MECOM: variants seen among roughly 807,000 people sequenced by gnomAD.
The protein encoded by MECOM is MDS1 and EVI1 complex locus, also known as histone-lysine N-methyltransferase MECOM.
Under a neutral mutation model 116.3 loss-of-function variants are expected in MECOM, and 13 were observed. That is an observed-to-expected ratio of 0.11 (90% CI 0.07 to 0.18). The LOEUF (loss-of-function observed/expected upper bound fraction) is 0.18, where lower values mean the gene tolerates loss of function less well. MECOM is among the 10% of genes least tolerant of loss of function. The pLI is 1.00. For missense variants in MECOM, 1,299 were observed against 1,509.0 expected (o/e 0.86, Z 2.31); for synonymous variants, 528 against 535.2 (o/e 0.99, Z 0.19).
chr3:169,518,214 G>C (rs528644887), intron 1 of MECOM, among the ~76,000 whole-genome samples: 1 of 151,292 alleles, frequency 6.6e-6, no homozygotes, highest in Non-Finnish European at 1.5e-5. Flanking sequence ...AGCCGAGATC[G>C]CACCACTGCA....
At chr3:169,656,714 T>G (rs750515745) in intron 1 of MECOM, among the ~76,000 whole-genome samples, 4 of 152,222 alleles carry the variant, frequency 2.6e-5, no homozygotes, top group Non-Finnish European at 4.4e-5. Context: ...CTAAATGTTA[T>G]GGGCTTTACC....
rs182349327 is a variant in MECOM at position 169,653,293 on chromosome 3, T to C, written c.37+10043A>G. 2.9e-3 allele frequency among the ~76,000 whole-genome samples: 437 copies of C among 152,334 alleles called. 1 individual carries two copies. The highest frequency in any genetic ancestry group is 6.8e-3 in the Middle Eastern group (2 of 294). Reference sequence around the variant, plus strand: ...CACCTAATCATATTGATATCTGCCATATGCAAAGCATAGTATTAGGCCCTA... The same window carrying C: ...CACCTAATCATATTGATATCTGCCACATGCAAAGCATAGTATTAGGCCCTA... On this transcript the variant is annotated intron_variant, in intron 1 of 16. Transcript: ENST00000651503.
At chr3:169,599,748 G>C (rs1767601279) in intron 1 of MECOM, among the ~76,000 whole-genome samples, 1 of 152,014 alleles carries the variant, frequency 6.6e-6, no homozygotes, top group African/African-American at 2.4e-5. Flanking sequence ...AAGAATAAAA[G>C]GGAAAGAATC....
rs749087441 is a variant in MECOM at position 169,084,975 on chromosome 3, G to A, written c.3654C>T (p.Asn1218=). 4.3e-6 allele frequency: 7 copies of A among 1,614,102 alleles called. No homozygotes were observed. The highest frequency in any genetic ancestry group is 3.3e-5 in the Admixed American group (2 of 60,024). Residue 1218 remains asparagine, a synonymous_variant, in exon 17 of 17, where the codon AAC becomes AAT. Coordinates refer to ENST00000651503, the MANE Select transcript of MECOM (RefSeq NM_004991.4). ...SLHSTSHSSS[N]VWHSMARAAA... ...CAGCCCTGGCCATACTGTGCCACAC[G>A]TTGGAAGAACTGTGGGATGTAGAAT...
At position 169,617,469 on chromosome 3, in the gene MECOM, A is replaced by G. The variant is rs146991510; in HGVS notation, c.37+45867T>C. ...ACAGGCTCCCAAGTTACTGGTCCAT[A>G]GACTATACTTTGAGTGGCAAAGTAT... On this transcript the variant is annotated intron_variant, in intron 1 of 16. Coordinates refer to ENST00000651503, the MANE Select transcript of MECOM (RefSeq NM_004991.4). 3.3e-5 allele frequency among the ~76,000 whole-genome samples: 5 copies of G among 152,332 alleles called. No homozygotes were observed. The East Asian group carries it at 5.8e-4, about 18-fold the overall frequency.
intron 2 of MECOM, among the ~76,000 whole-genome samples, chr3:169,191,740 G>GAGAAAGAAAGAAAGAAAGAAAGAAAGAA (rs71166250): frequency 2.0e-4 from 13 of 64,270 alleles, no homozygotes; most frequent in Admixed American, 4.1e-4. Flanking sequence ...AAGAAAGAAA[G>GAGAAAGAAAGAAAGAAAGAAAGAAAGAA]AGAAAGAAAG....
At chr3:169,447,239 T>G (rs896191601) in intron 1 of MECOM, among the ~76,000 whole-genome samples, 2 of 152,158 alleles carry the variant, frequency 1.3e-5, no homozygotes. Flanking sequence ...CTGCCACCCA[T>G]GCCCTAGAGT....
At chr3:169,404,287 G>T in intron 1 of MECOM, among the ~76,000 whole-genome samples, 1 of 151,070 alleles carries the variant, frequency 6.6e-6, no homozygotes, top group Non-Finnish European at 1.5e-5. Context: ...TGCAAAATAT[G>T]CACACACACA....
chr3:169,472,632 GA>G lies in MECOM; in HGVS notation c.38-91109del, dbSNP rs1174929353. 5.8e-5 allele frequency among the ~76,000 whole-genome samples: 4 copies of G among 68,796 alleles called. 1 individual carries two copies. The highest frequency in any genetic ancestry group is 1.0e-4 in the Non-Finnish European group (4 of 40,034). 45.1% of individuals were successfully genotyped at this position (68,796 alleles called of 152,430 possible). A position where few individuals can be genotyped will look rare whatever the true frequency, so the allele number is the denominator to read the frequency against. The stretch of plus-strand genomic sequence containing the variant: ...GGAAAGGAAAGAAAAGAAAAGAAAA[GA>G]AAAGGAAAGGAAAGGAAAAGAAAAG... On this transcript the variant is annotated intron_variant, in intron 1 of 16. Transcript: ENST00000651503.
At chr3:169,128,182 A>G (rs1337592940) in intron 4 of MECOM, 122 bp from the exon 5 acceptor site, 2 of 811,982 alleles carry the variant, frequency 2.5e-6, no homozygotes, top group African/African-American at 1.7e-5. Flanking sequence ...TATCTTGTCA[A>G]TTTTAATCTG....
intron 2 of MECOM, among the ~76,000 whole-genome samples, chr3:169,366,787 G>T (rs1331693827): frequency 6.6e-6 from 1 of 152,050 alleles, no homozygotes; most frequent in Admixed American, 6.6e-5. Context: ...GGAAGCCTGT[G>T]AGGTCAGCTG....
intron 6 of MECOM, among the ~76,000 whole-genome samples, chr3:169,121,444 A>C (rs1034315885): frequency 1.4e-4 from 21 of 152,194 alleles, no homozygotes; most frequent in African/African-American, 4.8e-4. Flanking sequence ...GTTGAACCAA[A>C]TAATGAATGG....
intron 1 of MECOM, among the ~76,000 whole-genome samples, chr3:169,397,561 A>C (rs1320701820): frequency 3.3e-5 from 5 of 152,224 alleles, no homozygotes; most frequent in African/African-American, 4.8e-5. Flanking sequence ...GGCAAAGAAA[A>C]GAACATGAAG....
intron 2 of MECOM, among the ~76,000 whole-genome samples, chr3:169,151,260 G>C (rs1741126903): frequency 1.3e-5 from 2 of 152,170 alleles, no homozygotes; most frequent in Admixed American, 1.3e-4. Flanking sequence ...GCTTCCTGTG[G>C]ACAAACAGCA....
intron 2 of MECOM, among the ~76,000 whole-genome samples, chr3:169,307,948 T>C (rs1019545905): frequency 6.6e-6 from 1 of 152,226 alleles, no homozygotes; most frequent in African/African-American, 2.4e-5. Flanking sequence ...CCTCTCGCTT[T>C]CTTTGGTCTC....
At chr3:169,449,557 C>T (rs1036881133) in intron 1 of MECOM, among the ~76,000 whole-genome samples, 1 of 152,106 alleles carries the variant, frequency 6.6e-6, no homozygotes. Flanking sequence ...TAAAGAGCCA[C>T]GCCTAGAGAC....
intron 3 of MECOM, chr3:169,133,979 A>T (rs1735565820): frequency 1.4e-5 from 18 of 1,288,816 alleles, no homozygotes; most frequent in Non-Finnish European, 1.8e-5. Context: ...TTGACATTTG[A>T]ATTGTGACAT....
chr3:169,191,670 G>C (rs1747565782), intron 2 of MECOM, among the ~76,000 whole-genome samples: 1 of 135,054 alleles, frequency 7.4e-6, no homozygotes, highest in African/African-American at 2.9e-5. Flanking sequence ...AAAAAACAGA[G>C]AGAAAGAAGA....
chr3:169,203,811 T>C (rs1368359960), intron 2 of MECOM, among the ~76,000 whole-genome samples: 3 of 152,164 alleles, frequency 2.0e-5, no homozygotes, highest in African/African-American at 7.2e-5. Flanking sequence ...AGAATGAGCC[T>C]TGTCAAATGG....
Sources: gnomAD v4.1 joint callset for allele counts (sites outside exome capture counted in the v4.1 genomes callset) on GRCh38, gnomAD v4.1.1 for gene constraint, MANE v1.5 for transcripts, NCBI Gene and HGNC (gene_info 2026-07-23, HGNC 2026-07-21) for gene names.